The following OR4K1 variants were observed in gnomAD, a reference collection of about 807,000 sequenced individuals.
The protein encoded by OR4K1 is olfactory receptor family 4 subfamily K member 1, also known as olfactory receptor 4K1.
OR4K1 carries 16 observed loss-of-function variants against 14.4 expected under a neutral mutation model. The observed-to-expected ratio is 1.11, with a 90% CI of 0.75 to 1.68. The LOEUF (loss-of-function observed/expected upper bound fraction) is 1.68, where lower values mean the gene tolerates loss of function less well. Among genes scored for constraint, OR4K1 ranks in the 40% most tolerant of loss-of-function variants. The pLI, the probability that OR4K1 is intolerant of heterozygous loss-of-function variation, is 0.00. For missense variants in OR4K1, 548 were observed against 376.9 expected, an observed-to-expected ratio of 1.45 and a Z score of -3.76; for synonymous variants, 181 against 133.1, an observed-to-expected ratio of 1.36 and a Z score of -2.48.
intron 1 of OR4K1, among the ~76,000 whole-genome samples, chr14:19,934,207 A>C (rs1180195818): frequency 3.3e-5 from 5 of 152,246 alleles, no homozygotes; most frequent in Non-Finnish European, 7.3e-5. Flanking sequence ...CTAAGGTCAA[A>C]AATGTTTCCT....
rs781399906 is a variant in OR4K1, at chr14:19,936,099, G to C, written c.433G>C (p.Val145Leu). Residue 145 changes from valine (V) to leucine (L), a missense_variant, in exon 2 of 2, where the codon GTG (valine) becomes CTG (leucine). Val to Leu is a conservative substitution (Grantham distance 32). Transcript: ENST00000641172. ...IMNRRLCVIF[V>L]SISWAVGVLH... is the part of the protein sequence containing the mutation. ...GAACCGGAGGCTCTGTGTAATTTTT[G>C]TGTCTATTTCCTGGGCGGTGGGCGT... 10 of 1,614,102 alleles carry C rather than the reference G, an allele frequency of 6.2e-6. No individual in the cohort carries two copies. Among genetic ancestry groups the C allele is most frequent in the African/African-American group, 1.3e-5 (1 of 74,920 alleles).
the OR4K1 span, chr14:19,921,075 T>G: frequency 1.2e-5 from 20 of 1,614,204 alleles, no homozygotes; most frequent in African/African-American, 1.7e-4. Context: ...GGTGCACACA[T>G]TAAGCCAGTT....
At chr14:19,920,318 C>T in the OR4K1 span, among the ~76,000 whole-genome samples, 1 of 152,332 alleles carries the variant, frequency 6.6e-6, no homozygotes, top group African/African-American at 2.4e-5. Context: ...CCTGGGTAAG[C>T]TCATTTCCTA....
At chr14:19,924,447 A>G in the OR4K1 span, among the ~76,000 whole-genome samples, 1 of 150,868 alleles carries the variant, frequency 6.6e-6, no homozygotes, top group Admixed American at 6.6e-5. Flanking sequence ...TATAAAGTGA[A>G]TGCTATCATT....
the OR4K1 span, chr14:19,921,781 G>A: frequency 9.2e-6 from 5 of 541,646 alleles, no homozygotes; most frequent in African/African-American, 9.8e-5. Flanking sequence ...ACTGGTTCTA[G>A]AAATAAAATA....
rs953106102 is a variant in OR4K1, at chr14:19,931,005, A to G, written c.-160A>G. The G allele has an allele frequency of 1.3e-5, 2 of 152,196 alleles. No individual in the cohort carries two copies. Among genetic ancestry groups the G allele is most frequent in the African/African-American group, 4.8e-5 (2 of 41,432 alleles). The allele number at this position is 152,196 out of a possible 1,614,324, so 9.4% of individuals were successfully genotyped here. On this transcript the variant is annotated 5_prime_UTR_variant, in exon 1 of 2. Transcript: ENST00000641172. ...CGGCATAGTGTAGGGAACCAAGTTA[A>G]AATGCATCAAGTTAAGATTATATTA...
chr14:19,934,339 C>T (rs939472513), intron 1 of OR4K1, among the ~76,000 whole-genome samples: 5 of 152,242 alleles, frequency 3.3e-5, no homozygotes, highest in African/African-American at 2.4e-5. Context: ...CTGAGAATGT[C>T]TTATGCCTTT....
intron 1 of OR4K1, among the ~76,000 whole-genome samples, chr14:19,935,137 C>G (rs1882275690): frequency 1.3e-5 from 2 of 152,246 alleles, no homozygotes; most frequent in African/African-American, 4.8e-5. Context: ...ACTCAACTAA[C>G]AGTTTCCTGA....
chr14:19,922,188 T>A, the OR4K1 span, among the ~76,000 whole-genome samples: 1 of 152,238 alleles, frequency 6.6e-6, no homozygotes, highest in South Asian at 2.1e-4. Context: ...TTTAAAGGGC[T>A]GCCTCTGATT....
At chr14:19,921,688 C>T in the OR4K1 span, 6 of 1,138,738 alleles carry the variant, frequency 5.3e-6, no homozygotes, top group East Asian at 5.1e-5. Flanking sequence ...ATATAGAGAA[C>T]ATTTAATGAA....
chr14:19,934,800 A>AG (rs1362813848), intron 1 of OR4K1, among the ~76,000 whole-genome samples: 12 of 152,056 alleles, frequency 7.9e-5, no homozygotes, highest in Admixed American at 2.6e-4. Context: ...CCTCCCAAGT[A>AG]GGGGGGAATA....
intron 1 of OR4K1, among the ~76,000 whole-genome samples, chr14:19,932,027 G>T (rs1016896421): frequency 2.4e-4 from 36 of 152,172 alleles, no homozygotes; most frequent in Non-Finnish European, 4.7e-4. Context: ...TTATTAAGAA[G>T]AAAATGAGAT....
rs1882286539 is a variant in OR4K1, at chr14:19,935,603, T to C, written c.-19-45T>C. 6 of 1,337,214 alleles carry C rather than the reference T, an allele frequency of 4.5e-6. No individual in the cohort carries two copies. In the South Asian group the frequency reaches 5.6e-5, roughly 12 times the overall value. The allele number at this position is 1,337,214 out of a possible 1,614,324, so 82.8% of individuals were successfully genotyped here. On this transcript the variant is annotated intron_variant, in intron 1 of 1. Transcript: ENST00000641172. ...TCTTTTGTTTATAAACTAGAGGTAT[T>C]GTAATGCCAATCATTGTGACATTTT...
the OR4K1 span, among the ~76,000 whole-genome samples, chr14:19,925,416 T>C: frequency 6.6e-6 from 1 of 152,252 alleles, no homozygotes; most frequent in Non-Finnish European, 1.5e-5. Flanking sequence ...TATGGCTTCT[T>C]CTTCACGATA....
chr14:19,923,873 C>T, the OR4K1 span, among the ~76,000 whole-genome samples: 1 of 152,194 alleles, frequency 6.6e-6, no homozygotes, highest in Non-Finnish European at 1.5e-5. Flanking sequence ...TTACCAGTTG[C>T]TAATTCTTTA....
chr14:19,921,445 C>T, the OR4K1 span: 52 of 1,613,912 alleles, frequency 3.2e-5, no homozygotes, highest in Non-Finnish European at 4.3e-5. Context: ...GTTTTCACCC[C>T]CGTCCTAAAC....
At chr14:19,928,816 C>T (rs930726199), upstream of OR4K1, among the ~76,000 whole-genome samples, 2 of 152,132 alleles carry the variant, frequency 1.3e-5, no homozygotes, top group Non-Finnish European at 2.9e-5. Context: ...ACTCCTTGTG[C>T]ATCTGCTCAT....
chr14:19,921,126 G>A, the OR4K1 span: 280 of 1,614,150 alleles, frequency 1.7e-4, no homozygotes, highest in Non-Finnish European at 1.5e-4. Flanking sequence ...ACCTAATGTA[G>A]TAGACAGCTT....
chr14:19,925,422 C>T, the OR4K1 span, among the ~76,000 whole-genome samples: 3 of 152,312 alleles, frequency 2.0e-5, no homozygotes, highest in South Asian at 4.1e-4. Context: ...TTCTTCTTCA[C>T]GATAACCCAT....
Sources: gnomAD v4.1 joint callset for allele counts (sites outside exome capture counted in the v4.1 genomes callset) on GRCh38, gnomAD v4.1.1 for gene constraint, MANE v1.5 for transcripts, NCBI Gene and HGNC (gene_info 2026-07-23, HGNC 2026-07-21) for gene names.